CNTNAP2: variants seen among roughly 807,000 people sequenced by gnomAD.
CNTNAP2 encodes contactin associated protein 2.
In CNTNAP2, 98 loss-of-function variants were observed where a neutral mutation model predicts 155.2. The ratio of observed to expected loss-of-function variants is 0.63; its 90% CI spans 0.54 to 0.75. The LOEUF (loss-of-function observed/expected upper bound fraction) is 0.75, where lower values mean the gene tolerates loss of function less well. CNTNAP2 is among the 30% of genes least tolerant of loss of function. CNTNAP2 has a pLI of 0.00. For synonymous variants in CNTNAP2, 651 were observed against 631.2 expected (o/e 1.03, Z -0.47); for missense variants, 1,727 against 1,688.1 (o/e 1.02, Z -0.40).
At chr7:146,232,855 T>C (rs993807690) in intron 1 of CNTNAP2, among the ~76,000 whole-genome samples, 3 of 152,024 alleles carry the variant, frequency 2.0e-5, no homozygotes, top group Non-Finnish European at 4.4e-5. Context: ...ACAAAAACAA[T>C]GTCAAAGACA....
rs77795969 is a variant in CNTNAP2 at position 148,200,407 on chromosome 7, CT to C, written c.3011-16868del. Among the ~76,000 whole-genome samples the C allele has an allele frequency of 4.0e-3, 573 of 144,904 alleles. 1 individual carries two copies. The highest frequency in any genetic ancestry group is 0.012 in the Admixed American group (179 of 14,486). On this transcript the variant is annotated intron_variant, in intron 18 of 23. Transcript: ENST00000361727. ...ACACTTCTTTTCTTTCTTTCTCTCTCTTTTTTTTTTTTTAAAGACCTCTGTC... is the reference window on the plus strand; with the variant it reads ...ACACTTCTTTTCTTTCTTTCTCTCTCTTTTTTTTTTTTAAAGACCTCTGTC...
At chr7:147,685,249 A>G (rs1371540644) in intron 13 of CNTNAP2, among the ~76,000 whole-genome samples, 3 of 151,992 alleles carry the variant, frequency 2.0e-5, no homozygotes, top group African/African-American at 7.2e-5. Flanking sequence ...TCCCACCTGC[A>G]TAAGGGTAAA....
intron 2 of CNTNAP2, among the ~76,000 whole-genome samples, chr7:146,812,445 A>AATAT (rs368632208): frequency 9.0e-5 from 13 of 144,570 alleles, no homozygotes; most frequent in Non-Finnish European, 1.5e-4. Context: ...ATATATAAAA[A>AATAT]ATATATATAT....
intron 2 of CNTNAP2, among the ~76,000 whole-genome samples, chr7:146,812,643 G>T (rs902042927): frequency 6.6e-6 from 1 of 151,942 alleles, no homozygotes; most frequent in African/African-American, 2.4e-5. Context: ...TGATAGAAAA[G>T]AAAAACCCGT....
intron 5 of CNTNAP2, among the ~76,000 whole-genome samples, chr7:147,116,935 G>A (rs917085226): frequency 3.9e-5 from 6 of 152,180 alleles, no homozygotes; most frequent in African/African-American, 1.4e-4. Flanking sequence ...GGCTGCAAAG[G>A]CCCAGTCGAC....
intron 8 of CNTNAP2, among the ~76,000 whole-genome samples, chr7:147,143,599 T>C (rs918720367): frequency 2.0e-5 from 3 of 152,182 alleles, no homozygotes; most frequent in Non-Finnish European, 2.9e-5. Context: ...TACCAAGATG[T>C]TATAAACTAT....
intron 10 of CNTNAP2, among the ~76,000 whole-genome samples, chr7:147,455,032 C>A (rs1037916645): frequency 6.6e-6 from 1 of 152,044 alleles, no homozygotes; most frequent in African/African-American, 2.4e-5. Flanking sequence ...CTTCTGAGGA[C>A]CTTGGGAAAT....
chr7:147,355,891 T>C (rs1190211273), intron 9 of CNTNAP2, among the ~76,000 whole-genome samples: 3 of 152,052 alleles, frequency 2.0e-5, no homozygotes, highest in African/African-American at 7.2e-5. Flanking sequence ...TCTGAAACTA[T>C]CCTGAACAAT....
At chr7:147,723,700 G>T (rs1056185253) in intron 13 of CNTNAP2, among the ~76,000 whole-genome samples, 1 of 151,684 alleles carries the variant, frequency 6.6e-6, no homozygotes, top group African/African-American at 2.4e-5. Context: ...CAAGCATTTT[G>T]GTCCAACTCA....
intron 13 of CNTNAP2, among the ~76,000 whole-genome samples, chr7:147,788,991 G>C (rs1389687086): frequency 7.4e-6 from 1 of 135,472 alleles, no homozygotes; most frequent in Non-Finnish European, 1.5e-5. Context: ...TGCAACCTCT[G>C]CCTCCTGGGC....
intron 13 of CNTNAP2, among the ~76,000 whole-genome samples, chr7:147,812,320 A>C (rs1464837445): frequency 6.6e-6 from 1 of 152,106 alleles, no homozygotes; most frequent in Non-Finnish European, 1.5e-5. Flanking sequence ...ACTTTAAGGA[A>C]ATTTATTTTT....
intron 13 of CNTNAP2, among the ~76,000 whole-genome samples, chr7:147,814,526 A>T (rs17824874): frequency 6.6e-6 from 1 of 152,014 alleles, no homozygotes; most frequent in Admixed American, 6.6e-5. Context: ...AAAACAGCTT[A>T]AGAGGCACAT....
At chr7:147,705,172 AC>A (rs572535989) in intron 13 of CNTNAP2, among the ~76,000 whole-genome samples, 2 of 9,772 alleles carry the variant, frequency 2.0e-4, no homozygotes, top group African/African-American at 2.7e-3. Flanking sequence ...AAATCTTTCT[AC>A]TTTTTTTTGA....
At chr7:148,289,549 G>A (rs1170659910) in intron 21 of CNTNAP2, among the ~76,000 whole-genome samples, 1 of 147,064 alleles carries the variant, frequency 6.8e-6, no homozygotes, top group African/African-American at 2.5e-5. Flanking sequence ...GAAGCAAAAT[G>A]ATAATGTAAA....
chr7:147,591,978 T>C (rs1187035042), intron 12 of CNTNAP2, among the ~76,000 whole-genome samples: 3 of 152,250 alleles, frequency 2.0e-5, no homozygotes, highest in Admixed American at 2.0e-4. Context: ...ATGTCATCTA[T>C]GAAAAACATT....
intron 23 of CNTNAP2, among the ~76,000 whole-genome samples, chr7:148,413,870 C>A (rs1799912619): frequency 6.6e-6 from 1 of 152,062 alleles, no homozygotes; most frequent in African/African-American, 2.4e-5. Flanking sequence ...ATTAACGTAG[C>A]TATTCCAGCT....
intron 1 of CNTNAP2, among the ~76,000 whole-genome samples, chr7:146,417,117 G>A (rs1795948398): frequency 6.6e-6 from 1 of 152,038 alleles, no homozygotes; most frequent in Non-Finnish European, 1.5e-5. Context: ...TCTTAACTAT[G>A]TCTGTACATA....
intron 1 of CNTNAP2, among the ~76,000 whole-genome samples, chr7:146,239,518 A>C (rs376720404): frequency 6.6e-6 from 1 of 152,200 alleles, no homozygotes; most frequent in South Asian, 2.1e-4. Context: ...GGAGAATCCC[A>C]CTAAGTGCTG....
chr7:147,539,475 C>T (rs1320548948), intron 11 of CNTNAP2, among the ~76,000 whole-genome samples: 4 of 152,156 alleles, frequency 2.6e-5, no homozygotes, highest in Admixed American at 2.6e-4. Context: ...GTGACGCTAT[C>T]CACTCACTAG....
Sources: gnomAD v4.1 joint callset for allele counts (sites outside exome capture counted in the v4.1 genomes callset) on GRCh38, gnomAD v4.1.1 for gene constraint, MANE v1.5 for transcripts, NCBI Gene and HGNC (gene_info 2026-07-23, HGNC 2026-07-21) for gene names.